The following TRIO variants were observed in gnomAD, a reference collection of about 807,000 sequenced individuals.
TRIO encodes the protein trio Rho guanine nucleotide exchange factor.
In TRIO, 58 loss-of-function variants were observed where a neutral mutation model predicts 351.9. That is an observed-to-expected ratio of 0.16 (90% confidence interval 0.13 to 0.21). The LOEUF (loss-of-function observed/expected upper bound fraction) is 0.21, where lower values mean the gene tolerates loss of function less well. Ranked by LOEUF, TRIO falls within the 10% of genes least tolerant of loss-of-function variation. The probability of loss-of-function intolerance (pLI) is 1.00; values close to 1 mark genes in which losing one functional copy is unlikely to be tolerated. For synonymous variants in TRIO, 1,758 were observed against 1,595.7 expected (o/e 1.10, Z -2.42); for missense variants, 3,201 against 4,027.8 (o/e 0.79, Z 5.56).
At chr5:14,292,231 A>G (rs1289857556) in intron 5 of TRIO, among the ~76,000 whole-genome samples, 7 of 152,274 alleles carry the variant, frequency 4.6e-5, no homozygotes, top group Non-Finnish European at 1.5e-5. Context: ...TTATTACTAA[A>G]GCTTTTAATG....
Position 14,403,950 on chromosome 5 carries a change from G to A in TRIO, c.4717-1898G>A, listed in dbSNP as rs891876782. 4.3e-5 allele frequency among the ~76,000 whole-genome samples: 6 copies of A among 138,238 alleles called. No homozygotes were observed. The South Asian group carries it at 9.5e-4, about 22-fold the overall frequency. 90.7% of individuals were successfully genotyped at this position (138,238 alleles called of 152,430 possible). On this transcript the variant is annotated intron_variant, in intron 31 of 56. Transcript: ENST00000344204. The stretch of plus-strand genomic sequence containing the variant: ...GTGGTGGTGAGGGTGCAGGTTGTGA[G>A]GGTGTAGGTTGTGGTGAGGGTACAG...
chr5:14,289,917 T>A (rs1736762664), intron 4 of TRIO, among the ~76,000 whole-genome samples: 1 of 152,216 alleles, frequency 6.6e-6, no homozygotes, highest in African/African-American at 2.4e-5. Context: ...ACTTTGTCAC[T>A]GTTAAATTGC....
At chr5:14,271,546 G>A (rs199546715) in intron 2 of TRIO, among the ~76,000 whole-genome samples, 12 of 152,292 alleles carry the variant, frequency 7.9e-5, no homozygotes, top group South Asian at 2.1e-4. Context: ...GCGTTAGGCC[G>A]TTTTGGACTG....
Position 14,343,114 on chromosome 5 carries a change from A to T in TRIO, c.2046+6387A>T, listed in dbSNP as rs80294640. Among the ~76,000 whole-genome samples the T allele has an allele frequency of 4.0e-5, 6 of 151,598 alleles. No homozygotes were observed. The East Asian group carries it at 1.2e-3, about 29-fold the overall frequency. On this transcript the variant is annotated intron_variant, in intron 11 of 56. Transcript: ENST00000344204. ...CAAAAAAAAAAAAAAAAAGAGAGAG[A>T]AATGGACAAGGAGGTCCCATGCATC...
Position 14,370,123 on chromosome 5 carries a change from CTTTT to C in TRIO, c.3216+610_3216+613del, listed in dbSNP as rs56791314. ...TTTTCTTTTCTTTCTTTCTTTCTTTCTTTTTTTTTTTTTAATTCAGCGAAGGGGT... is the reference window on the plus strand; with the variant it reads ...TTTTCTTTTCTTTCTTTCTTTCTTTCTTTTTTTTTAATTCAGCGAAGGGGT... On this transcript the variant is annotated intron_variant, in intron 18 of 56. Coordinates refer to ENST00000344204, the MANE Select transcript of TRIO (RefSeq NM_007118.4). Among the ~76,000 whole-genome samples the C allele has an allele frequency of 2.1e-5, 3 of 144,448 alleles. No individual in the cohort carries two copies. In the South Asian group the frequency reaches 6.6e-4, roughly 32 times the overall value. 94.8% of individuals were successfully genotyped at this position (144,448 alleles called of 152,430 possible).
chr5:14,257,613 G>T (rs1795100780), intron 1 of TRIO, among the ~76,000 whole-genome samples: 1 of 152,144 alleles, frequency 6.6e-6, no homozygotes, highest in Non-Finnish European at 1.5e-5. Flanking sequence ...TTCCCGAGTG[G>T]CTTGACTTTC....
At chr5:14,482,504 AAAG>A in intron 45 of TRIO, 75 bp from the exon 46 acceptor site, 1 of 1,167,880 alleles carries the variant, frequency 8.6e-7, no homozygotes, top group Non-Finnish European at 1.1e-6. Flanking sequence ...GAGGAAATCT[AAAG>A]AAAACAGCTT....
At chr5:14,464,628 G>A (rs1273477503) in intron 36 of TRIO, among the ~76,000 whole-genome samples, 2 of 152,006 alleles carry the variant, frequency 1.3e-5, no homozygotes, top group Non-Finnish European at 2.9e-5. Flanking sequence ...ACCAACATTT[G>A]TTTTGCAAAG....
intron 11 of TRIO, among the ~76,000 whole-genome samples, chr5:14,343,644 T>A (rs982519884): frequency 2.0e-5 from 3 of 152,234 alleles, no homozygotes; most frequent in African/African-American, 7.2e-5. Context: ...TATCACAGTT[T>A]ATTTAACTAT....
intron 9 of TRIO, among the ~76,000 whole-genome samples, chr5:14,320,880 G>C (rs1035947951): frequency 8.5e-5 from 13 of 152,152 alleles, no homozygotes; most frequent in African/African-American, 3.1e-4. Flanking sequence ...ATTTGCTAAG[G>C]CATAAATTTG....
chr5:14,502,460 G>A (rs770536544), intron 53 of TRIO, 119 bp from the exon 54 acceptor site: 8 of 836,650 alleles, frequency 9.6e-6, no homozygotes, highest in African/African-American at 5.0e-5. Context: ...CGCATGAGCC[G>A]TGTGGCAGGT....
intron 9 of TRIO, among the ~76,000 whole-genome samples, chr5:14,329,310 A>G (rs1442307128): frequency 1.3e-5 from 2 of 152,178 alleles, no homozygotes; most frequent in Non-Finnish European, 1.5e-5. Flanking sequence ...TGTCCCCCCA[A>G]ATTCATGTTG....
At chr5:14,309,288 AACTT>A (rs1241723232) in intron 8 of TRIO, among the ~76,000 whole-genome samples, 2 of 152,088 alleles carry the variant, frequency 1.3e-5, no homozygotes, top group Admixed American at 6.5e-5. Flanking sequence ...TTAATGTATT[AACTT>A]ACTTGTTCAC....
At chr5:14,336,345 A>G (rs531924904) in intron 10 of TRIO, among the ~76,000 whole-genome samples, 191 bp from the exon 11 acceptor site, 1 of 152,348 alleles carries the variant, frequency 6.6e-6, no homozygotes, top group Non-Finnish European at 1.5e-5. Context: ...TTAACAATCT[A>G]AAACAACAGC....
intron 4 of TRIO, among the ~76,000 whole-genome samples, chr5:14,290,471 A>G (rs1332724979): frequency 6.6e-6 from 1 of 152,148 alleles, no homozygotes; most frequent in Admixed American, 6.5e-5. Flanking sequence ...GAAATACACG[A>G]TTCTACAGTT....
intron 1 of TRIO, among the ~76,000 whole-genome samples, chr5:14,146,828 C>T (rs1787550500): frequency 6.6e-6 from 1 of 152,168 alleles, no homozygotes. Flanking sequence ...AGCCCTGGTG[C>T]CCTTCTCCTC....
intron 1 of TRIO, among the ~76,000 whole-genome samples, chr5:14,219,035 A>G (rs1792414245): frequency 6.6e-6 from 1 of 152,172 alleles, no homozygotes; most frequent in African/African-American, 2.4e-5. Flanking sequence ...GACTTGGTCA[A>G]GGTGAAATCT....
chr5:14,285,930 G>A (rs1181385532), intron 3 of TRIO, among the ~76,000 whole-genome samples: 1 of 152,180 alleles, frequency 6.6e-6, no homozygotes, highest in African/African-American at 2.4e-5. Context: ...CCATTCGGAA[G>A]CTTCTATCAC....
At chr5:14,348,554 ACAT>A (rs1319709803) in intron 11 of TRIO, among the ~76,000 whole-genome samples, 41 of 152,342 alleles carry the variant, frequency 2.7e-4, no homozygotes, top group South Asian at 1.7e-3. Flanking sequence ...GTGTGCACAC[ACAT>A]CAGCATGTTT....
Sources: gnomAD v4.1 joint callset for allele counts (sites outside exome capture counted in the v4.1 genomes callset) on GRCh38, gnomAD v4.1.1 for gene constraint, MANE v1.5 for transcripts, NCBI Gene and HGNC (gene_info 2026-07-23, HGNC 2026-07-21) for gene names.